The following POP4 variants were observed in gnomAD, a reference collection of about 807,000 sequenced individuals.
The protein encoded by POP4 is POP4 ribonuclease P/MRP subunit.
In POP4, 31 loss-of-function variants were observed where a neutral mutation model predicts 29.9. That is an observed-to-expected ratio of 1.04 (90% CI 0.78 to 1.40). POP4 has a LOEUF of 1.40. Among genes scored for constraint, POP4 ranks in the 40% most tolerant of loss-of-function variants. The probability of loss-of-function intolerance (pLI) is 0.00; values close to 1 mark genes in which losing one functional copy is unlikely to be tolerated. For missense variants in POP4, 286 were observed against 282.7 expected (o/e 1.01, Z -0.08); for synonymous variants, 110 against 108.2 (o/e 1.02, Z -0.10).
rs1048088205 is a variant in POP4, at chr19:29,615,458, G to T, written c.*78G>T. 2 of 1,519,922 alleles carry T rather than the reference G, an allele frequency of 1.3e-6. No individual in the cohort carries two copies. Among genetic ancestry groups the T allele is most frequent in the South Asian group, 1.2e-5 (1 of 81,454 alleles). 94.2% of individuals were successfully genotyped at this position (1,519,922 alleles called of 1,614,324 possible). A position where few individuals can be genotyped will look rare whatever the true frequency, so the allele number is the denominator to read the frequency against. ...CTAAATGTCCACCTTTCAGTGAAGA[G>T]ATAGTTAAGCCAATTCCATTTATAG... On this transcript the variant is annotated 3_prime_UTR_variant, in exon 7 of 7. Coordinates refer to ENST00000585603, the MANE Select transcript of POP4 (RefSeq NM_006627.3).
chr19:29,614,622 G>A (rs1410646294), intron 6 of POP4, among the ~76,000 whole-genome samples: 2 of 150,842 alleles, frequency 1.3e-5, no homozygotes, highest in Admixed American at 6.7e-5. Context: ...TTCTGCCTCA[G>A]CCTCCCAAGT....
intron 2 of POP4, 128 bp from the exon 3 acceptor site, chr19:29,610,281 C>T: frequency 1.2e-6 from 1 of 809,786 alleles, no homozygotes; most frequent in Non-Finnish European, 1.9e-6. Context: ...GGTTGAGAGC[C>T]TCAGTAGGTA....
chr19:29,606,701 CT>C (rs1466157150), intron 1 of POP4, among the ~76,000 whole-genome samples: 1 of 152,138 alleles, frequency 6.6e-6, no homozygotes, highest in Non-Finnish European at 1.5e-5. Flanking sequence ...CCGAGAGCTG[CT>C]GGGGAATGAT....
intron 1 of POP4, among the ~76,000 whole-genome samples, chr19:29,608,103 T>G (rs79175475): frequency 6.6e-6 from 1 of 152,172 alleles, no homozygotes; most frequent in Admixed American, 6.5e-5. Context: ...TTTTAAACCA[T>G]GTGCTTGGAA....
chr19:29,607,160 G>A (rs961965314), intron 1 of POP4, among the ~76,000 whole-genome samples: 5 of 152,112 alleles, frequency 3.3e-5, no homozygotes, highest in African/African-American at 1.2e-4. Context: ...CTGGCTGGGT[G>A]TGGTGGGACA....
intron 1 of POP4, chr19:29,606,623 G>C (rs866337820): frequency 3.7e-5 from 13 of 347,396 alleles, no homozygotes; most frequent in South Asian, 9.4e-5. Flanking sequence ...TATCTCCCGG[G>C]GTGACCGCGG....
In POP4 at chr19:29,613,398, G is replaced by A. The variant is rs891638094; in HGVS notation, c.425-473G>A. Among the ~76,000 whole-genome samples the A allele has an allele frequency of 5.9e-5, 9 of 152,140 alleles. No individual in the cohort carries two copies. The South Asian group carries it at 1.0e-3, about 18-fold the overall frequency. On this transcript the variant is annotated intron_variant, in intron 5 of 6. Coordinates refer to ENST00000585603, the MANE Select transcript of POP4 (RefSeq NM_006627.3). The stretch of plus-strand genomic sequence containing the variant: ...GCTACACTGAGGCTCGGGTCAGGAC[G>A]AGGGAGGGGCTGCTGCTTGTGATGG...
At position 29,612,179 on chromosome 19, in the gene POP4, G is replaced by T; in HGVS notation, c.424+1G>T. On this transcript the variant is annotated splice_donor_variant, in intron 5 of 6. Coordinates refer to ENST00000585603, the MANE Select transcript of POP4 (RefSeq NM_006627.3). LOFTEE classifies it high-confidence loss of function. ...GATCTTCACGGGGCTATTATTTCAG[G>T]TAATTTACCTAAGAGCGTGTAGCAC... 6.2e-7 allele frequency: 1 copy of T among 1,606,964 alleles called. No individual in the cohort carries two copies. The highest frequency in any genetic ancestry group is 1.1e-5 in the South Asian group (1 of 89,568).
At chr19:29,611,641 C>T (rs188479849) in intron 3 of POP4, 43 of 541,038 alleles carry the variant, frequency 7.9e-5, no homozygotes, top group Admixed American at 5.5e-4. Context: ...GTGGACACCG[C>T]CCTGGGCTGG....
At chr19:29,613,639 C>T (rs1009755592) in intron 5 of POP4, among the ~76,000 whole-genome samples, 1 of 152,180 alleles carries the variant, frequency 6.6e-6, no homozygotes, top group African/African-American at 2.4e-5. Context: ...ACAGACCCTC[C>T]GAAGGACACC....
At chr19:29,614,505 TTTTC>T (rs1345606954) in intron 6 of POP4, among the ~76,000 whole-genome samples, 12 of 38,410 alleles carry the variant, frequency 3.1e-4, no homozygotes, top group Admixed American at 8.1e-4. Flanking sequence ...TTCCTTTAAT[TTTTC>T]TTTTTTTTTT....
rs1380072282 is a variant in POP4 at position 29,606,332 on chromosome 19, G to A, written c.7+7G>A. ...AGCGGTCCGAGAATGAAGAGTAAGC[G>A]GGGCCGCGAAGTTGGAGAGGGTTGG... On this transcript the variant is annotated splice_region_variant and intron_variant, in intron 1 of 6. Coordinates refer to ENST00000585603, the MANE Select transcript of POP4 (RefSeq NM_006627.3). 1 of 1,605,998 alleles carries A rather than the reference G, an allele frequency of 6.2e-7. No homozygotes were observed. Among genetic ancestry groups the A allele is most frequent in the East Asian group, 2.3e-5 (1 of 44,008 alleles).
At chr19:29,612,753 C>T (rs1971085593) in intron 5 of POP4, among the ~76,000 whole-genome samples, 1 of 152,208 alleles carries the variant, frequency 6.6e-6, no homozygotes, top group Admixed American at 6.5e-5. Context: ...AGACCAAAAA[C>T]CTAAACAGTG....
chr19:29,606,380 G>C, intron 1 of POP4, 55 bp downstream of exon 1: 1 of 1,555,242 alleles, frequency 6.4e-7, no homozygotes, highest in South Asian at 1.2e-5. Flanking sequence ...TCGGGGTCTT[G>C]GTACTGGTGG....
At chr19:29,613,430 A>G (rs906506375) in intron 5 of POP4, among the ~76,000 whole-genome samples, 1 of 152,272 alleles carries the variant, frequency 6.6e-6, no homozygotes, top group East Asian at 1.9e-4. Flanking sequence ...ATGGTGGCTC[A>G]TCTCGCAGTG....
At chr19:29,612,994 C>G (rs910340157) in intron 5 of POP4, among the ~76,000 whole-genome samples, 1 of 152,148 alleles carries the variant, frequency 6.6e-6, no homozygotes, top group African/African-American at 2.4e-5. Context: ...AAGGCCTCCC[C>G]GCTCCCTGGG....
intron 6 of POP4, among the ~76,000 whole-genome samples, chr19:29,614,657 C>T (rs1020233075): frequency 6.6e-6 from 1 of 152,058 alleles, no homozygotes; most frequent in Non-Finnish European, 1.5e-5. Context: ...GCACGCGCCA[C>T]CACGCCCGGC....
In POP4 at chr19:29,610,380, G is replaced by A. The variant is rs1193936504; in HGVS notation, c.61-29G>A. ...CCTGGGCTGCCCAGACCGGAGCAGTGAGCGCCGCACCCCCTTGTCCGCCTG... is the reference window on the plus strand; with the variant it reads ...CCTGGGCTGCCCAGACCGGAGCAGTAAGCGCCGCACCCCCTTGTCCGCCTG... On this transcript the variant is annotated intron_variant, in intron 2 of 6. Transcript: ENST00000585603. 5 of 1,527,676 alleles carry A rather than the reference G, an allele frequency of 3.3e-6. No individual in the cohort carries two copies. The South Asian group carries it at 4.9e-5, about 15-fold the overall frequency. 94.6% of individuals were successfully genotyped at this position (1,527,676 alleles called of 1,614,324 possible). A position where few individuals can be genotyped will look rare whatever the true frequency, so the allele number is the denominator to read the frequency against.
chr19:29,613,573 T>C (rs1971096138), intron 5 of POP4, among the ~76,000 whole-genome samples: 1 of 152,190 alleles, frequency 6.6e-6, no homozygotes, highest in African/African-American at 2.4e-5. Flanking sequence ...GCCCTGATGG[T>C]GCTGGGCACA....
Sources: allele counts gnomAD v4.1 joint callset (sites outside exome capture counted in the v4.1 genomes callset), GRCh38; gene constraint gnomAD v4.1.1; transcripts MANE v1.5; gene names NCBI Gene and HGNC (gene_info 2026-07-23, HGNC 2026-07-21).